Variants in VEPH1 observed in about 807,000 individuals in gnomAD.
VEPH1 encodes the protein ventricular zone expressed PH domain containing 1.
A neutral mutation model predicts 85.2 loss-of-function variants in VEPH1; 80 were observed. That is an observed-to-expected ratio of 0.94 (90% confidence interval 0.78 to 1.13). VEPH1 has a LOEUF of 1.13. VEPH1 is among the 50% of genes most tolerant of loss of function. The pLI is 0.00. For missense variants in VEPH1, 955 were observed against 980.5 expected, an observed-to-expected ratio of 0.97 and a Z score of 0.35; for synonymous variants, 297 against 348.0, an observed-to-expected ratio of 0.85 and a Z score of 1.63.
chr3:157,303,939 A>G (rs1218448267), intron 11 of VEPH1, among the ~76,000 whole-genome samples: 4 of 150,486 alleles, frequency 2.7e-5, no homozygotes, highest in Admixed American at 1.3e-4. Context: ...ACATATATTC[A>G]TACGGCTCTT....
chr3:157,319,360 T>A lies in VEPH1; in HGVS notation c.1736-2159A>T, dbSNP rs191041192. 1.8e-3 allele frequency among the ~76,000 whole-genome samples: 269 copies of A among 152,244 alleles called. 2 individuals are homozygous for A. The highest frequency in any genetic ancestry group is 0.017 in the Middle Eastern group (5 of 294). ...AGCCTCAGTGGACAAGACCAGGAGG[T>A]CTGGCACTGAGAAAGACCTGGGAGA... On this transcript the variant is annotated intron_variant, in intron 9 of 13. Coordinates refer to ENST00000362010, the MANE Select transcript of VEPH1 (RefSeq NM_001167912.2).
At chr3:157,310,786 A>G (rs1377533882) in intron 11 of VEPH1, among the ~76,000 whole-genome samples, 1 of 151,922 alleles carries the variant, frequency 6.6e-6, no homozygotes, top group Non-Finnish European at 1.5e-5. Flanking sequence ...AGAATAGTAC[A>G]CTGGCTTTTA....
intron 3 of VEPH1, among the ~76,000 whole-genome samples, chr3:157,465,780 A>C (rs1057436768): frequency 6.6e-6 from 1 of 152,206 alleles, no homozygotes; most frequent in Non-Finnish European, 1.5e-5. Context: ...AAGAGGGAAA[A>C]GTAGACACTT....
intron 9 of VEPH1, among the ~76,000 whole-genome samples, chr3:157,325,156 T>C (rs956939141): frequency 1.3e-5 from 2 of 152,244 alleles, no homozygotes; most frequent in Non-Finnish European, 2.9e-5. Flanking sequence ...TGGCTGTTCA[T>C]GTCCTTTGCC....
chr3:157,344,998 C>T (rs1203088402), intron 9 of VEPH1, among the ~76,000 whole-genome samples: 3 of 152,172 alleles, frequency 2.0e-5, no homozygotes, highest in East Asian at 1.9e-4. Flanking sequence ...AACTGGATCC[C>T]TTCCTTACAT....
At chr3:157,314,123 G>C (rs915062571) in intron 10 of VEPH1, among the ~76,000 whole-genome samples, 1 of 151,792 alleles carries the variant, frequency 6.6e-6, no homozygotes, top group African/African-American at 2.4e-5. Flanking sequence ...ACGAGGTCAG[G>C]AGATCGAGGC....
chr3:157,420,111 G>A (rs1341764294), intron 5 of VEPH1, among the ~76,000 whole-genome samples: 2 of 151,428 alleles, frequency 1.3e-5, no homozygotes, highest in Non-Finnish European at 2.9e-5. Context: ...TTATAAGTGG[G>A]AGGTGAACGA....
Position 157,299,524 on chromosome 3 carries a change from C to T in VEPH1, c.2011-12850G>A, listed in dbSNP as rs117806080. Among the ~76,000 whole-genome samples the T allele has an allele frequency of 3.0e-3, 406 of 133,662 alleles. 5 individuals carry two copies. In the East Asian group the frequency reaches 0.046, roughly 15 times the overall value. 87.7% of individuals were successfully genotyped at this position (133,662 alleles called of 152,430 possible). A position where few individuals can be genotyped will look rare whatever the true frequency, so the allele number is the denominator to read the frequency against. ...GCAGTGAGACATCATTGTGCTACTGCAGTCCAACCTGGGCAATAGAGTGAG... is the reference window on the plus strand; with the variant it reads ...GCAGTGAGACATCATTGTGCTACTGTAGTCCAACCTGGGCAATAGAGTGAG... On this transcript the variant is annotated intron_variant, in intron 11 of 13. Coordinates refer to ENST00000362010, the MANE Select transcript of VEPH1 (RefSeq NM_001167912.2).
At position 157,467,871 on chromosome 3, in the gene VEPH1, T is replaced by C. The variant is rs562640963; in HGVS notation, c.354+2443A>G. Among the ~76,000 whole-genome samples the C allele has an allele frequency of 8.5e-5, 13 of 152,338 alleles. No individual in the cohort carries two copies. In the East Asian group the frequency reaches 2.5e-3, roughly 29 times the overall value. On this transcript the variant is annotated intron_variant, in intron 3 of 13. Coordinates refer to ENST00000362010, the MANE Select transcript of VEPH1 (RefSeq NM_001167912.2). The stretch of plus-strand genomic sequence containing the variant: ...CCTCAGAACCCTGCTCTCTACAATC[T>C]TACAAACTCATTTACACTGTCTTGA...
chr3:157,268,044 A>G (rs1713978842), intron 12 of VEPH1, among the ~76,000 whole-genome samples: 1 of 152,214 alleles, frequency 6.6e-6, no homozygotes, highest in African/African-American at 2.4e-5. Flanking sequence ...TGAAATATAA[A>G]CTTACAATTA....
At chr3:157,466,761 G>C (rs1044226876) in intron 3 of VEPH1, among the ~76,000 whole-genome samples, 14 of 152,186 alleles carry the variant, frequency 9.2e-5, no homozygotes, top group Admixed American at 6.5e-4. Flanking sequence ...TTCAGACTGG[G>C]AGATGACATG....
chr3:157,311,793 A>G (rs1577311744), intron 11 of VEPH1, among the ~76,000 whole-genome samples: 1 of 152,218 alleles, frequency 6.6e-6, no homozygotes, highest in East Asian at 1.9e-4. Context: ...GCAATAAAAA[A>G]TTTATGAGAA....
In VEPH1 at chr3:157,459,730, TG is replaced by T. The variant is rs1037179389; in HGVS notation, c.529+450del. On this transcript the variant is annotated intron_variant, in intron 4 of 13. Coordinates refer to ENST00000362010, the MANE Select transcript of VEPH1 (RefSeq NM_001167912.2). ...GTATTTATGCTTGTTATCCAAATCA[TG>T]TTCACATTTAAGAAGTCATTACACA... 8 of 1,422,200 alleles carry T rather than the reference TG, an allele frequency of 5.6e-6. No homozygotes were observed. In the African/African-American group the frequency reaches 1.0e-4, roughly 18 times the overall value. The allele number at this position is 1,422,200 out of a possible 1,614,324, so 88.1% of individuals were successfully genotyped here.
chr3:157,335,149 T>C (rs1722844885), intron 9 of VEPH1, among the ~76,000 whole-genome samples: 1 of 152,094 alleles, frequency 6.6e-6, no homozygotes, highest in Non-Finnish European at 1.5e-5. Flanking sequence ...CAAAGTGTGT[T>C]GGCACTGGGA....
At chr3:157,286,787 C>T in intron 11 of VEPH1, 113 bp from the exon 12 acceptor site, 1 of 837,300 alleles carries the variant, frequency 1.2e-6, no homozygotes, top group South Asian at 1.6e-5. Context: ...AATCTCAGTA[C>T]TAAAGACTAA....
intron 4 of VEPH1, among the ~76,000 whole-genome samples, chr3:157,445,038 T>C (rs1482856142): frequency 2.6e-5 from 4 of 152,216 alleles, no homozygotes; most frequent in Middle Eastern, 3.2e-3. Flanking sequence ...TGCAGCCATA[T>C]AACTATGTTC....
chr3:157,432,428 A>T (rs1053554703), intron 4 of VEPH1, among the ~76,000 whole-genome samples: 1 of 152,028 alleles, frequency 6.6e-6, no homozygotes, highest in Non-Finnish European at 1.5e-5. Flanking sequence ...TCTTAAAGGC[A>T]TTATGGTTTT....
intron 11 of VEPH1, among the ~76,000 whole-genome samples, chr3:157,300,739 A>G (rs962414756): frequency 1.3e-5 from 2 of 152,262 alleles, no homozygotes; most frequent in East Asian, 3.8e-4. Context: ...GTTAAGTTCA[A>G]TGTATTTACA....
At chr3:157,496,884 A>G (rs1739708647) in intron 1 of VEPH1, among the ~76,000 whole-genome samples, 1 of 152,220 alleles carries the variant, frequency 6.6e-6, no homozygotes, top group Non-Finnish European at 1.5e-5. Context: ...TTTTTGTACT[A>G]TCTACCAGCT....
Sources: allele counts gnomAD v4.1 joint callset (sites outside exome capture counted in the v4.1 genomes callset), GRCh38; gene constraint gnomAD v4.1.1; transcripts MANE v1.5; gene names NCBI Gene and HGNC (gene_info 2026-07-23, HGNC 2026-07-21).